The following MRPS28 variants were observed in gnomAD, a reference collection of about 807,000 sequenced individuals.
The protein encoded by MRPS28 is small ribosomal subunit protein bS1m.
A neutral mutation model predicts 10.8 loss-of-function variants in MRPS28; 7 were observed. The observed-to-expected ratio is 0.65, with a 90% confidence interval of 0.37 to 1.22. MRPS28 has a LOEUF of 1.22. Ranked by LOEUF, MRPS28 falls within the 50% of genes most tolerant of loss-of-function variation. MRPS28 has a pLI of 0.02. For missense variants in MRPS28, 265 were observed against 232.9 expected, an observed-to-expected ratio of 1.14 and a Z score of -0.90; for synonymous variants, 121 against 93.3, an observed-to-expected ratio of 1.30 and a Z score of -1.71.
chr8:80,024,740 C>T lies in MRPS28; in HGVS notation c.213+5296G>A, dbSNP rs189304506. ...TAAATCAGCAAATATATACTCAATC[C>T]CTACTTAAGTGTAAAGCATTATGCA... On this transcript the variant is annotated intron_variant, in intron 1 of 2. Coordinates refer to ENST00000276585, the MANE Select transcript of MRPS28 (RefSeq NM_014018.3). Among the ~76,000 whole-genome samples, 219 of 152,218 alleles carry T rather than the reference C, an allele frequency of 1.4e-3. 3 individuals are homozygous for T. Among genetic ancestry groups the T allele is most frequent in the Admixed American group, 2.9e-3 (44 of 15,288 alleles).
intron 1 of MRPS28, among the ~76,000 whole-genome samples, chr8:80,025,478 C>T (rs1377956351): frequency 6.6e-6 from 1 of 152,140 alleles, no homozygotes; most frequent in Non-Finnish European, 1.5e-5. Flanking sequence ...CAAATGTTCA[C>T]TGCAACACTG....
chr8:79,992,748 A>C (rs925986280), intron 2 of MRPS28, among the ~76,000 whole-genome samples: 1 of 152,214 alleles, frequency 6.6e-6, no homozygotes, highest in African/African-American at 2.4e-5. Context: ...AGTGGTTAAC[A>C]ATATAGAGAA....
intron 1 of MRPS28, among the ~76,000 whole-genome samples, chr8:80,025,861 C>T (rs765816091): frequency 6.6e-6 from 1 of 152,186 alleles, no homozygotes; most frequent in Non-Finnish European, 1.5e-5. Context: ...AGAATTTACA[C>T]TCTTTAACTG....
intron 1 of MRPS28, among the ~76,000 whole-genome samples, chr8:80,010,093 G>T (rs192015815): frequency 5.9e-5 from 9 of 152,224 alleles, no homozygotes; most frequent in African/African-American, 2.2e-4. Context: ...TTTACATATT[G>T]AATTCACTTG....
intron 2 of MRPS28, among the ~76,000 whole-genome samples, chr8:79,974,269 G>A (rs1022603745): frequency 6.6e-6 from 1 of 152,050 alleles, no homozygotes; most frequent in Non-Finnish European, 1.5e-5. Context: ...AGGCCGGCGC[G>A]GTGGCTCACG....
chr8:80,003,747 C>G (rs1288339091), intron 1 of MRPS28, among the ~76,000 whole-genome samples: 1 of 152,186 alleles, frequency 6.6e-6, no homozygotes, highest in African/African-American at 2.4e-5. Flanking sequence ...CCAAGGGAAG[C>G]TGTGACAGAC....
chr8:79,981,600 T>C (rs1427934408), intron 2 of MRPS28, among the ~76,000 whole-genome samples: 3 of 152,186 alleles, frequency 2.0e-5, no homozygotes, highest in African/African-American at 4.8e-5. Flanking sequence ...AATAGAAGTT[T>C]TGAGGTAAGA....
intron 2 of MRPS28, among the ~76,000 whole-genome samples, chr8:79,944,340 C>T (rs73251932): frequency 0.046 from 6,948 of 152,244 alleles, 529 homozygotes; most frequent in African/African-American, 0.16. Flanking sequence ...TACATGACCC[C>T]TTTCCTGCAA....
At chr8:80,011,135 ATTTTTAT>A (rs1481117610) in intron 1 of MRPS28, among the ~76,000 whole-genome samples, 2 of 136,112 alleles carry the variant, frequency 1.5e-5, no homozygotes, top group Non-Finnish European at 1.6e-5. Context: ...TTATTTTTTT[ATTTTTAT>A]TTTTTTTTGT....
intron 2 of MRPS28, among the ~76,000 whole-genome samples, chr8:79,993,764 G>T (rs1286046561): frequency 6.6e-6 from 1 of 152,016 alleles, no homozygotes; most frequent in African/African-American, 2.4e-5. Context: ...GCAATAAAAT[G>T]ACCCACTTAA....
Position 79,985,711 on chromosome 8 carries a change from C to A in MRPS28, c.395+17288G>T, listed in dbSNP as rs570251447. On this transcript the variant is annotated intron_variant, in intron 2 of 2. Coordinates refer to ENST00000276585, the MANE Select transcript of MRPS28 (RefSeq NM_014018.3). ...TAAATTCCTCGACACATACAACCTC[C>A]CAAGACTAAACCAGGAAGAAGTTGA... Among the ~76,000 whole-genome samples the A allele has an allele frequency of 1.6e-4, 25 of 152,240 alleles. 1 individual carries two copies. The South Asian group carries it at 5.2e-3, about 32-fold the overall frequency.
intron 1 of MRPS28, among the ~76,000 whole-genome samples, chr8:80,014,761 A>G (rs185041604): frequency 1.3e-5 from 2 of 152,300 alleles, no homozygotes; most frequent in African/African-American, 4.8e-5. Context: ...CTCAGTCACC[A>G]CCATCAAGTT....
At chr8:79,950,198 A>G (rs7828371) in intron 2 of MRPS28, among the ~76,000 whole-genome samples, 121,380 of 152,162 alleles carry the variant, frequency 0.8, 49,127 homozygotes, top group African/African-American at 0.94. Context: ...TATCAATAAA[A>G]CAAATGCTTA....
In MRPS28 at chr8:80,028,645, C is replaced by CGGGCGGGGGGGGAG. The variant is rs771833987; in HGVS notation, c.213+1390_213+1391insCTCCCCCCCCGCCC. On this transcript the variant is annotated intron_variant, in intron 1 of 2. Transcript: ENST00000276585. ...TCACAGGGATCTCAAAAGCAGAAGACGGGCGGGGGGGGCGGGGCCGGGCGG... is the reference window on the plus strand; with the variant it reads ...TCACAGGGATCTCAAAAGCAGAAGACGGGCGGGGGGGGAGGGGCGGGGGGGGCGGGGCCGGGCGG... The CGGGCGGGGGGGGAG allele has an allele frequency of 6.0e-4, 2 of 3,332 alleles. 1 individual carries two copies. The highest frequency in any genetic ancestry group is 2.9e-3 in the African/African-American group (2 of 678). 0.2% of individuals were successfully genotyped at this position (3,332 alleles called of 1,614,324 possible). A position where few individuals can be genotyped will look rare whatever the true frequency, so the allele number is the denominator to read the frequency against.
At chr8:79,925,086 C>T (rs907247135) in intron 2 of MRPS28, among the ~76,000 whole-genome samples, 2 of 152,042 alleles carry the variant, frequency 1.3e-5, no homozygotes, top group Non-Finnish European at 2.9e-5. Context: ...AAGTTCTACT[C>T]CTCTCCAATA....
intron 2 of MRPS28, among the ~76,000 whole-genome samples, chr8:79,936,453 A>G (rs1456495311): frequency 1.3e-5 from 2 of 152,252 alleles, no homozygotes; most frequent in African/African-American, 2.4e-5. Flanking sequence ...TGATTTAGTC[A>G]TATGAATGTT....
chr8:79,929,390 G>T (rs184999332), intron 2 of MRPS28, among the ~76,000 whole-genome samples: 1 of 152,234 alleles, frequency 6.6e-6, no homozygotes, highest in East Asian at 1.9e-4. Context: ...ACTGTGACCT[G>T]CTCCGTGCAA....
intron 1 of MRPS28, among the ~76,000 whole-genome samples, chr8:80,010,617 A>T (rs1458849672): frequency 6.6e-6 from 1 of 152,186 alleles, no homozygotes; most frequent in Non-Finnish European, 1.5e-5. Flanking sequence ...ATTAATGTAA[A>T]TTTTCCAATT....
chr8:80,009,621 GA>G (rs146207161), intron 1 of MRPS28, among the ~76,000 whole-genome samples: 84 of 144,510 alleles, frequency 5.8e-4, no homozygotes, highest in African/African-American at 1.3e-3. Context: ...TCTCAAAAAA[GA>G]AAAAAAAAAG....
Sources: gnomAD v4.1 joint callset for allele counts (sites outside exome capture counted in the v4.1 genomes callset) on GRCh38, gnomAD v4.1.1 for gene constraint, MANE v1.5 for transcripts, NCBI Gene and HGNC (gene_info 2026-07-23, HGNC 2026-07-21) for gene names.